NTRK3: variants seen among roughly 807,000 people sequenced by gnomAD.
NTRK3 encodes the protein NT-3 growth factor receptor.
A neutral mutation model predicts 91.7 loss-of-function variants in NTRK3; 24 were observed. That is an observed-to-expected ratio of 0.26 (90% CI 0.19 to 0.37). The LOEUF (loss-of-function observed/expected upper bound fraction) is 0.37, where lower values mean the gene tolerates loss of function less well. Ranked by LOEUF, NTRK3 falls within the 10% of genes least tolerant of loss-of-function variation. The pLI, the probability that NTRK3 is intolerant of heterozygous loss-of-function variation, is 1.00. For missense variants in NTRK3, 880 were observed against 1,068.9 expected (o/e 0.82, Z 2.46); for synonymous variants, 483 against 404.0 (o/e 1.20, Z -2.34).
At chr15:88,032,286 A>G (rs1314086147) in intron 14 of NTRK3, among the ~76,000 whole-genome samples, 1 of 152,094 alleles carries the variant, frequency 6.6e-6, no homozygotes, top group Non-Finnish European at 1.5e-5. Flanking sequence ...AGAGGGAAAC[A>G]GGTGCCCTGA....
intron 5 of NTRK3, among the ~76,000 whole-genome samples, chr15:88,148,477 A>G (rs946601287): frequency 6.6e-6 from 1 of 152,196 alleles, no homozygotes; most frequent in African/African-American, 2.4e-5. Flanking sequence ...AGAAGGTAGC[A>G]TCAGGCCTGA....
Position 87,912,931 on chromosome 15 carries a change from A to ATATATATAT in NTRK3, c.2133+16259_2133+16260insATATATATA, listed in dbSNP as rs1567099538. Reference sequence around the variant, plus strand: ...TTCAACTTTTCAAAAAGTAAAAAAAAATATATATATATATATATATATATA... The same window carrying ATATATATAT: ...TTCAACTTTTCAAAAAGTAAAAAAAATATATATATATATATATATATATATATATATATA... On this transcript the variant is annotated intron_variant, in intron 17 of 18. Coordinates refer to ENST00000394480, the Ensembl canonical transcript of NTRK3. 3.2e-3 allele frequency among the ~76,000 whole-genome samples: 118 copies of ATATATATAT among 36,340 alleles called. 3 individuals carry two copies. Among genetic ancestry groups the ATATATATAT allele is most frequent in the Non-Finnish European group, 4.1e-3 (87 of 21,226 alleles). The allele number at this position is 36,340 out of a possible 152,430, so 23.8% of individuals were successfully genotyped here. A position where few individuals can be genotyped will look rare whatever the true frequency, so the allele number is the denominator to read the frequency against.
At chr15:87,968,946 C>A (rs750396185) in intron 14 of NTRK3, among the ~76,000 whole-genome samples, 1 of 152,082 alleles carries the variant, frequency 6.6e-6, no homozygotes, top group Non-Finnish European at 1.5e-5. Flanking sequence ...GCTTTACCAC[C>A]AATCCTTCAA....
chr15:88,020,836 C>T (rs1163289513), intron 14 of NTRK3, among the ~76,000 whole-genome samples: 1 of 152,210 alleles, frequency 6.6e-6, no homozygotes, highest in Non-Finnish European at 1.5e-5. Context: ...CTCATTCTCT[C>T]AGCCGCTAGA....
intron 14 of NTRK3, among the ~76,000 whole-genome samples, chr15:87,987,607 T>TCA (rs2074933972): frequency 6.6e-6 from 1 of 151,898 alleles, no homozygotes; most frequent in Non-Finnish European, 1.5e-5. Flanking sequence ...AAATTCTTTG[T>TCA]TATATATATA....
intron 5 of NTRK3, among the ~76,000 whole-genome samples, chr15:88,180,803 T>G (rs1438267305): frequency 6.6e-6 from 1 of 150,642 alleles, no homozygotes; most frequent in Non-Finnish European, 1.5e-5. Context: ...AGGACAGAAA[T>G]AGAAGATGTT....
intron 14 of NTRK3, among the ~76,000 whole-genome samples, chr15:87,982,111 C>T (rs1227336355): frequency 6.6e-6 from 1 of 152,222 alleles, no homozygotes; most frequent in East Asian, 1.9e-4. Flanking sequence ...CTGCCAATGT[C>T]CCCGAAGCTG....
chr15:87,861,921 T>G (rs1238357277), exon 19 of NTRK3: 1 of 215,600 alleles, frequency 4.6e-6, no homozygotes, highest in Non-Finnish European at 9.4e-6. Flanking sequence ...AGATCGTTCC[T>G]CCATTAGCAG....
exon 19 of NTRK3, chr15:87,873,669 T>A (rs753199010): frequency 7.3e-5 from 17 of 232,004 alleles, no homozygotes; most frequent in African/African-American, 2.2e-5. Flanking sequence ...TAATAGGATG[T>A]CATTTCACAA....
At chr15:88,225,383 C>T (rs1031834345) in intron 3 of NTRK3, among the ~76,000 whole-genome samples, 3 of 152,096 alleles carry the variant, frequency 2.0e-5, no homozygotes, top group African/African-American at 7.2e-5. Context: ...AGAGACCAGC[C>T]AGTCAGAGCT....
chr15:88,026,812 C>A (rs2078080684), intron 14 of NTRK3, among the ~76,000 whole-genome samples: 1 of 152,146 alleles, frequency 6.6e-6, no homozygotes, highest in African/African-American at 2.4e-5. Context: ...TAAAACTGTT[C>A]TTTAAAATAA....
chr15:87,984,745 C>T (rs945049636), intron 14 of NTRK3, among the ~76,000 whole-genome samples: 20 of 152,204 alleles, frequency 1.3e-4, no homozygotes, highest in African/African-American at 4.8e-4. Flanking sequence ...ATCCCCATTT[C>T]TAGCTTCCCT....
chr15:87,891,958 G>A (rs947109476), intron 17 of NTRK3, among the ~76,000 whole-genome samples: 7 of 152,098 alleles, frequency 4.6e-5, no homozygotes, highest in Admixed American at 2.0e-4. Context: ...TCTATCCAGC[G>A]TGTACTCAGG....
In NTRK3 at chr15:88,074,540, G is replaced by A. The variant is rs77489269; in HGVS notation, c.1397-41495C>T. Among the ~76,000 whole-genome samples the A allele has an allele frequency of 1.1e-4, 16 of 152,308 alleles. No homozygotes were observed. In the East Asian group the frequency reaches 2.7e-3, roughly 26 times the overall value. On this transcript the variant is annotated intron_variant, in intron 13 of 18. Coordinates refer to ENST00000394480, the Ensembl canonical transcript of NTRK3. ...CTGTCCCCTGGATGACTCAAGCTCC[G>A]AGAGAAGTGGAGACAGGATTCTCAC...
At chr15:88,128,637 G>C in intron 11 of NTRK3, 74 bp downstream of exon 11, 1 of 1,458,614 alleles carries the variant, frequency 6.9e-7, no homozygotes, top group Non-Finnish European at 9.6e-7. Flanking sequence ...TAGGAGAGAG[G>C]GCTATTTGAA....
chr15:87,931,122 T>C (rs1596299645), intron 16 of NTRK3: 1 of 452,640 alleles, frequency 2.2e-6, no homozygotes, highest in African/African-American at 2.0e-5. Context: ...CTCTCACTCT[T>C]TATTTCCCTC....
At chr15:87,943,026 C>G (rs1415987871) in intron 14 of NTRK3, among the ~76,000 whole-genome samples, 1 of 152,124 alleles carries the variant, frequency 6.6e-6, no homozygotes, top group Non-Finnish European at 1.5e-5. Flanking sequence ...CACCTTTCCT[C>G]TGCATTGTAA....
intron 13 of NTRK3, among the ~76,000 whole-genome samples, chr15:88,123,049 T>C (rs1166696086): frequency 2.0e-5 from 3 of 152,184 alleles, no homozygotes; most frequent in Non-Finnish European, 1.5e-5. Flanking sequence ...TACTAAATAT[T>C]GTGCAGGACA....
intron 3 of NTRK3, among the ~76,000 whole-genome samples, chr15:88,191,929 C>T (rs561955565): frequency 1.3e-5 from 2 of 152,214 alleles, no homozygotes; most frequent in African/African-American, 2.4e-5. Flanking sequence ...GAGCCCCAGG[C>T]AGCCAGGGGT....
Sources: gnomAD v4.1 joint callset for allele counts (sites outside exome capture counted in the v4.1 genomes callset) on GRCh38, gnomAD v4.1.1 for gene constraint, MANE v1.5 for transcripts, NCBI Gene and HGNC (gene_info 2026-07-23, HGNC 2026-07-21) for gene names.